Variants in AGMO observed in about 807,000 individuals in gnomAD.
AGMO encodes the protein alkylglycerol monooxygenase.
Under a neutral mutation model 60.2 loss-of-function variants are expected in AGMO, and 75 were observed. That is an observed-to-expected ratio of 1.25 (90% CI 1.03 to 1.51). The LOEUF (loss-of-function observed/expected upper bound fraction) is 1.51, where lower values mean the gene tolerates loss of function less well. Ranked by LOEUF, AGMO falls within the 40% of genes most tolerant of loss-of-function variation. AGMO has a pLI of 0.00. For missense variants in AGMO, 763 were observed against 525.5 expected, an observed-to-expected ratio of 1.45 and a Z score of -4.42; for synonymous variants, 261 against 177.1, an observed-to-expected ratio of 1.47 and a Z score of -3.76.
the AGMO span, among the ~76,000 whole-genome samples, chr7:15,181,324 C>T: frequency 6.6e-6 from 1 of 152,144 alleles, no homozygotes; most frequent in Admixed American, 6.5e-5. Context: ...TTAATGCCCA[C>T]ATTTTATTCC....
At chr7:15,401,027 A>C (rs1317802284) in intron 5 of AGMO, among the ~76,000 whole-genome samples, 1 of 152,234 alleles carries the variant, frequency 6.6e-6, no homozygotes. Flanking sequence ...AGTCTGAAAT[A>C]ATTTTCCTAT....
At chr7:15,492,607 T>A (rs990954827) in intron 3 of AGMO, among the ~76,000 whole-genome samples, 7 of 149,634 alleles carry the variant, frequency 4.7e-5, no homozygotes, top group African/African-American at 1.5e-4. Context: ...TGAGGAGGTT[T>A]TTATTATTAT....
chr7:15,255,968 T>A (rs377284178), intron 12 of AGMO, among the ~76,000 whole-genome samples: 2 of 152,160 alleles, frequency 1.3e-5, no homozygotes, highest in East Asian at 1.9e-4. Flanking sequence ...AGAACAGATA[T>A]CAGGGAGGTG....
chr7:15,540,400 G>A (rs1784594395), intron 3 of AGMO, among the ~76,000 whole-genome samples: 1 of 152,160 alleles, frequency 6.6e-6, no homozygotes, highest in South Asian at 2.1e-4. Flanking sequence ...AAGAGGTGAA[G>A]AGTACCACAT....
intron 12 of AGMO, among the ~76,000 whole-genome samples, chr7:15,228,582 G>T (rs552829495): frequency 6.6e-6 from 1 of 152,154 alleles, no homozygotes; most frequent in African/African-American, 2.4e-5. Flanking sequence ...ATGCAGGACA[G>T]AAAAGTGAAA....
At chr7:15,537,924 G>T (rs572361861) in intron 3 of AGMO, among the ~76,000 whole-genome samples, 1 of 152,094 alleles carries the variant, frequency 6.6e-6, no homozygotes, top group South Asian at 2.1e-4. Context: ...CATATTTTAA[G>T]TGCTTCAACG....
the AGMO span, among the ~76,000 whole-genome samples, chr7:15,184,954 A>T: frequency 2.0e-5 from 3 of 151,916 alleles, no homozygotes; most frequent in Non-Finnish European, 4.4e-5. Context: ...TGAAAGAAGG[A>T]GAGAAGGAAG....
At chr7:15,412,694 A>T (rs1270775706) in intron 5 of AGMO, among the ~76,000 whole-genome samples, 1 of 150,904 alleles carries the variant, frequency 6.6e-6, no homozygotes, top group Admixed American at 6.6e-5. Flanking sequence ...TAAAAAAAAA[A>T]AAAAAAAAAA....
chr7:15,531,040 ATATATATTC>A (rs1361253097), intron 3 of AGMO, among the ~76,000 whole-genome samples: 15 of 7,918 alleles, frequency 1.9e-3, no homozygotes, highest in African/African-American at 6.0e-3. Flanking sequence ...TATATATTCT[ATATATATTC>A]TATATATATT....
chr7:15,326,281 T>C (rs1332189320), intron 12 of AGMO, among the ~76,000 whole-genome samples: 1 of 152,202 alleles, frequency 6.6e-6, no homozygotes, highest in Non-Finnish European at 1.5e-5. Context: ...CATTTGGCTG[T>C]ATTTGATTAC....
chr7:15,198,915 C>G (rs967104071), downstream of AGMO, among the ~76,000 whole-genome samples: 1 of 152,172 alleles, frequency 6.6e-6, no homozygotes, highest in Non-Finnish European at 1.5e-5. Flanking sequence ...TAGCCTCTAG[C>G]TGTATGACTC....
intron 3 of AGMO, among the ~76,000 whole-genome samples, chr7:15,507,350 A>G (rs1184975863): frequency 1.3e-5 from 2 of 152,102 alleles, no homozygotes; most frequent in Non-Finnish European, 2.9e-5. Flanking sequence ...CTGAGGAAAG[A>G]AAACAACACT....
intron 2 of AGMO, among the ~76,000 whole-genome samples, chr7:15,554,195 C>G (rs1163567084): frequency 6.6e-6 from 1 of 152,036 alleles, no homozygotes; most frequent in African/African-American, 2.4e-5. Context: ...CTTCCTCTTT[C>G]TCTTCTCAAT....
intron 12 of AGMO, among the ~76,000 whole-genome samples, chr7:15,243,602 A>C (rs528333211): frequency 1.7e-4 from 26 of 152,306 alleles, no homozygotes; most frequent in Admixed American, 1.5e-3. Flanking sequence ...CACAGTGATC[A>C]AAACACATAC....
At chr7:15,211,910 G>T (rs771098781) in intron 12 of AGMO, among the ~76,000 whole-genome samples, 1 of 151,910 alleles carries the variant, frequency 6.6e-6, no homozygotes, top group Non-Finnish European at 1.5e-5. Context: ...ACAAAGCTGA[G>T]TCAATTTTGA....
chr7:15,198,004 C>A (rs1781162609), downstream of AGMO, among the ~76,000 whole-genome samples: 1 of 151,960 alleles, frequency 6.6e-6, no homozygotes, highest in South Asian at 2.1e-4. Flanking sequence ...GTTAACAGCT[C>A]CTAACAGGAT....
chr7:15,372,906 G>A (rs1462946795), intron 10 of AGMO, among the ~76,000 whole-genome samples: 2 of 152,022 alleles, frequency 1.3e-5, no homozygotes, highest in Non-Finnish European at 2.9e-5. Flanking sequence ...AAAGCATTTG[G>A]GAAAGATCAT....
chr7:15,151,526 T>C, the AGMO span, among the ~76,000 whole-genome samples: 1 of 152,126 alleles, frequency 6.6e-6, no homozygotes, highest in African/African-American at 2.4e-5. Flanking sequence ...TTTCATTAGT[T>C]TTAAAGAATT....
chr7:15,461,859 T>G (rs1253291584), intron 3 of AGMO, among the ~76,000 whole-genome samples: 1 of 152,160 alleles, frequency 6.6e-6, no homozygotes, highest in African/African-American at 2.4e-5. Flanking sequence ...GTTTTGTGGT[T>G]ATATTTGGCA....
Sources: allele counts gnomAD v4.1 joint callset (sites outside exome capture counted in the v4.1 genomes callset), GRCh38; gene constraint gnomAD v4.1.1; transcripts MANE v1.5; gene names NCBI Gene and HGNC (gene_info 2026-07-23, HGNC 2026-07-21).